DGKB: variants seen among roughly 807,000 people sequenced by gnomAD.
DGKB encodes the protein 90 kDa diacylglycerol kinase.
Under a neutral mutation model 114.3 loss-of-function variants are expected in DGKB, and 67 were observed. That is an observed-to-expected ratio of 0.59 (90% confidence interval 0.48 to 0.72). The LOEUF (loss-of-function observed/expected upper bound fraction) is 0.72. DGKB is among the 30% of genes least tolerant of loss of function. The pLI, the probability that DGKB is intolerant of heterozygous loss-of-function variation, is 0.00. For synonymous variants in DGKB, 398 were observed against 323.1 expected (o/e 1.23, Z -2.49); for missense variants, 907 against 975.2 (o/e 0.93, Z 0.93).
chr7:14,303,327 C>A (rs1803877669), intron 23 of DGKB, among the ~76,000 whole-genome samples: 1 of 152,042 alleles, frequency 6.6e-6, no homozygotes, highest in South Asian at 2.1e-4. Context: ...ATGTGTATGA[C>A]TGTATTTCCC....
intron 23 of DGKB, among the ~76,000 whole-genome samples, chr7:14,217,496 T>C (rs1789183438): frequency 6.6e-6 from 1 of 152,044 alleles, no homozygotes. Flanking sequence ...TGGACAAGTG[T>C]TCTCAACTAT....
intron 23 of DGKB, among the ~76,000 whole-genome samples, chr7:14,182,331 CAT>C (rs936562953): frequency 6.6e-6 from 1 of 151,220 alleles, no homozygotes; most frequent in Non-Finnish European, 1.5e-5. Context: ...AATAAGAAAG[CAT>C]ATATATCTCT....
chr7:14,596,896 C>G (rs191429548), intron 17 of DGKB, among the ~76,000 whole-genome samples: 7 of 152,274 alleles, frequency 4.6e-5, no homozygotes, highest in Non-Finnish European at 7.4e-5. Flanking sequence ...AAAATACCCT[C>G]TTTTTAAAAT....
At chr7:14,284,096 A>G (rs942407035) in intron 23 of DGKB, among the ~76,000 whole-genome samples, 2 of 152,152 alleles carry the variant, frequency 1.3e-5, no homozygotes, top group Non-Finnish European at 2.9e-5. Context: ...AATGGGAGAA[A>G]ATTTTTGCAA....
chr7:14,402,463 T>C (rs1260592223), intron 21 of DGKB, among the ~76,000 whole-genome samples: 1 of 151,914 alleles, frequency 6.6e-6, no homozygotes, highest in Non-Finnish European at 1.5e-5. Flanking sequence ...CGCTCTAGTC[T>C]ACAATTTAGG....
intron 20 of DGKB, among the ~76,000 whole-genome samples, chr7:14,491,671 A>G (rs1236420626): frequency 6.6e-6 from 1 of 152,144 alleles, no homozygotes; most frequent in African/African-American, 2.4e-5. Context: ...TATTCTTAAC[A>G]TAATGGTAGG....
chr7:14,320,900 A>C (rs1480511450), intron 23 of DGKB, among the ~76,000 whole-genome samples: 7 of 152,166 alleles, frequency 4.6e-5, no homozygotes, highest in Non-Finnish European at 1.0e-4. Context: ...CAAAATTTTA[A>C]ATGTAATATT....
chr7:14,590,050 A>C (rs1180093842), intron 17 of DGKB, among the ~76,000 whole-genome samples: 1 of 151,426 alleles, frequency 6.6e-6, no homozygotes, highest in Non-Finnish European at 1.5e-5. Flanking sequence ...TGGGAGATAT[A>C]CCTAATGCTA....
chr7:14,772,002 C>CA (rs2128473221), intron 2 of DGKB, among the ~76,000 whole-genome samples: 1 of 152,256 alleles, frequency 6.6e-6, no homozygotes, highest in Non-Finnish European at 1.5e-5. Flanking sequence ...CAGATAAACT[C>CA]AACCAATTGT....
intron 20 of DGKB, among the ~76,000 whole-genome samples, chr7:14,538,978 G>T (rs950285958): frequency 1.3e-5 from 2 of 152,244 alleles, no homozygotes; most frequent in African/African-American, 2.4e-5. Context: ...CAACGGTGGA[G>T]GTGGGATATG....
intron 21 of DGKB, among the ~76,000 whole-genome samples, chr7:14,418,857 T>A (rs2128759023): frequency 6.6e-6 from 1 of 152,084 alleles, no homozygotes; most frequent in African/African-American, 2.4e-5. Context: ...GGTGAGAAAT[T>A]CATTATCACA....
intron 20 of DGKB, among the ~76,000 whole-genome samples, chr7:14,513,683 T>C (rs1477135424): frequency 6.6e-6 from 1 of 151,962 alleles, no homozygotes; most frequent in Admixed American, 6.6e-5. Flanking sequence ...AATAAAACAA[T>C]ATTTTATTAC....
rs554642535 is a variant in DGKB at position 14,282,830 on chromosome 7, G to A, written c.2122+55685C>T. On this transcript the variant is annotated intron_variant, in intron 23 of 25. Transcript: ENST00000402815. ...TTCAACAACCTTTCATGCTAAAAAC[G>A]CTCAATAAATTAGGTATTGATGGGA... Among the ~76,000 whole-genome samples, 5 of 152,068 alleles carry A rather than the reference G, an allele frequency of 3.3e-5. No homozygotes were observed. In the East Asian group the frequency reaches 9.7e-4, roughly 29 times the overall value.
At chr7:14,197,773 A>G (rs1785235047) in intron 23 of DGKB, among the ~76,000 whole-genome samples, 1 of 152,142 alleles carries the variant, frequency 6.6e-6, no homozygotes, top group Admixed American at 6.6e-5. Flanking sequence ...TCAAATAACA[A>G]TTGTACAGCT....
intron 1 of DGKB, among the ~76,000 whole-genome samples, chr7:14,852,047 G>A (rs975739574): frequency 6.6e-6 from 1 of 152,058 alleles, no homozygotes; most frequent in South Asian, 2.1e-4. Context: ...ACAGTAAAAC[G>A]ATTATTTTAC....
chr7:14,869,505 T>C (rs1852157999), intron 1 of DGKB, among the ~76,000 whole-genome samples: 1 of 152,200 alleles, frequency 6.6e-6, no homozygotes, highest in Admixed American at 6.5e-5. Context: ...TCATGTGCTA[T>C]CATGGTATTT....
intron 21 of DGKB, among the ~76,000 whole-genome samples, chr7:14,393,781 GT>G (rs1461589567): frequency 3.3e-5 from 5 of 151,966 alleles, no homozygotes. Context: ...CGATTTCTTT[GT>G]TCTAAATCTG....
chr7:14,664,233 T>C (rs1817644017), intron 13 of DGKB, among the ~76,000 whole-genome samples: 1 of 152,002 alleles, frequency 6.6e-6, no homozygotes, highest in South Asian at 2.1e-4. Flanking sequence ...CTGAAAATAA[T>C]CTATTTTGAA....
intron 20 of DGKB, among the ~76,000 whole-genome samples, chr7:14,480,409 C>A (rs1270532260): frequency 6.6e-6 from 1 of 151,964 alleles, no homozygotes; most frequent in African/African-American, 2.4e-5. Flanking sequence ...TGATAAGGAA[C>A]AATGACAGCA....
Sources: gnomAD v4.1 joint callset for allele counts (sites outside exome capture counted in the v4.1 genomes callset) on GRCh38, gnomAD v4.1.1 for gene constraint, MANE v1.5 for transcripts, NCBI Gene and HGNC (gene_info 2026-07-23, HGNC 2026-07-21) for gene names.